The following MEGF10 variants were observed in gnomAD, a reference collection of about 807,000 sequenced individuals.
MEGF10 encodes the protein multiple epidermal growth factor-like domains protein 10.
In MEGF10, 86 loss-of-function variants were observed where a neutral mutation model predicts 147.5. The observed-to-expected ratio is 0.58, with a 90% CI of 0.49 to 0.70. The LOEUF is 0.70. Among genes scored for constraint, MEGF10 ranks in the 30% least tolerant of loss-of-function variants. The probability of loss-of-function intolerance (pLI) is 0.00; values close to 1 mark genes in which losing one functional copy is unlikely to be tolerated. For synonymous variants in MEGF10, 478 were observed against 525.5 expected (o/e 0.91, Z 1.24); for missense variants, 1,329 against 1,487.3 (o/e 0.89, Z 1.75).
chr5:127,242,330 C>G, the MEGF10 span, among the ~76,000 whole-genome samples: 3 of 152,266 alleles, frequency 2.0e-5, no homozygotes, highest in East Asian at 5.8e-4. Flanking sequence ...AGACTTCTTA[C>G]ATTGGGAATA....
intron 13 of MEGF10, among the ~76,000 whole-genome samples, chr5:127,429,846 T>C (rs1270444810): frequency 1.3e-5 from 2 of 152,162 alleles, no homozygotes; most frequent in Admixed American, 1.3e-4. Flanking sequence ...AGCACAAATT[T>C]AGTTGTGCCC....
intron 10 of MEGF10, among the ~76,000 whole-genome samples, 190 bp downstream of exon 10, chr5:127,418,002 G>A (rs1305236163): frequency 2.0e-5 from 3 of 152,180 alleles, no homozygotes; most frequent in Admixed American, 6.5e-5. Flanking sequence ...TAATGACTGC[G>A]AAAACTGGTA....
At chr5:127,249,547 C>T in the MEGF10 span, among the ~76,000 whole-genome samples, 1 of 151,868 alleles carries the variant, frequency 6.6e-6, no homozygotes, top group African/African-American at 2.4e-5. Flanking sequence ...TTAAAGTCAA[C>T]CATTTAATTA....
intron 2 of MEGF10, among the ~76,000 whole-genome samples, chr5:127,332,899 G>C (rs1437407557): frequency 6.6e-6 from 1 of 152,152 alleles, no homozygotes; most frequent in African/African-American, 2.4e-5. Context: ...TTTGGGATGG[G>C]AGGAAAAGTC....
chr5:127,365,179 T>A (rs1762610397), intron 4 of MEGF10, among the ~76,000 whole-genome samples: 1 of 152,222 alleles, frequency 6.6e-6, no homozygotes, highest in African/African-American at 2.4e-5. Context: ...GTTGGATAAT[T>A]GTTCCTTTAA....
the MEGF10 span, among the ~76,000 whole-genome samples, chr5:127,263,240 T>G: frequency 6.8e-6 from 1 of 147,918 alleles, no homozygotes; most frequent in Non-Finnish European, 1.5e-5. Flanking sequence ...ATTGGGAAGA[T>G]GGGTTCATGA....
At chr5:127,455,310 C>T (rs373149776) in intron 23 of MEGF10, 91 bp from the exon 24 acceptor site, 5 of 1,064,212 alleles carry the variant, frequency 4.7e-6, no homozygotes, top group East Asian at 2.4e-5. Context: ...ATTATGGAAA[C>T]CTAGCTATAA....
the MEGF10 span, among the ~76,000 whole-genome samples, chr5:127,264,426 A>C: frequency 1.3e-5 from 2 of 152,188 alleles, no homozygotes; most frequent in African/African-American, 4.8e-5. Flanking sequence ...GAAAGACAGA[A>C]ACCAATTCAA....
At chr5:127,230,990 A>ACCAT in the MEGF10 span, among the ~76,000 whole-genome samples, 1 of 152,050 alleles carries the variant, frequency 6.6e-6, no homozygotes, top group Non-Finnish European at 1.5e-5. Context: ...AAGGGCACCC[A>ACCAT]CCATCCACCC....
chr5:127,237,791 T>G, the MEGF10 span, among the ~76,000 whole-genome samples: 1 of 152,082 alleles, frequency 6.6e-6, no homozygotes, highest in African/African-American at 2.4e-5. Context: ...TCCCTCTCCC[T>G]CCACCTCTTT....
chr5:127,451,488 GGT>G (rs1766155343), intron 22 of MEGF10, among the ~76,000 whole-genome samples: 1 of 152,044 alleles, frequency 6.6e-6, no homozygotes, highest in African/African-American at 2.4e-5. Context: ...TATGCTTATT[GGT>G]AACATCATCT....
rs371350255 is a variant in MEGF10 at position 127,396,801 on chromosome 5, G to T, written c.659+23G>T. On this transcript the variant is annotated intron_variant, in intron 6 of 24. Transcript: ENST00000503335. Reference sequence around the variant, plus strand: ...CTTGTAAGTCACATGCTGCCCAGCAGCAGAGCAGAGCCCACCCACCCTCTC... The same window carrying T: ...CTTGTAAGTCACATGCTGCCCAGCATCAGAGCAGAGCCCACCCACCCTCTC... The T allele has an allele frequency of 4.6e-5, 74 of 1,598,638 alleles. No homozygotes were observed. In the East Asian group the frequency reaches 6.1e-4, roughly 13 times the overall value.
Position 127,331,384 on chromosome 5 carries a change from C to G in MEGF10, c.76C>G (p.Leu26Val), listed in dbSNP as rs2126784142. Residue 26 changes from leucine to valine, a missense_variant, in exon 2 of 25, where the codon CTG becomes GTG. Physicochemically the swap from Leu to Val is conservative, Grantham distance 32. This residue lies in a region of MEGF10 where 980 missense variants were observed against 1,085.9 expected (regional missense o/e 0.90). Transcript: ENST00000503335. ...LCHWIGTASP[L>V]NLEDPNVCSH... ...CCACTGGATTGGGACAGCATCACCTCTGAATCTTGAAGACCCTAATGTGTG... is the reference window on the plus strand; with the variant it reads ...CCACTGGATTGGGACAGCATCACCTGTGAATCTTGAAGACCCTAATGTGTG... 1 of 1,613,094 alleles carries G rather than the reference C, an allele frequency of 6.2e-7. No homozygotes were observed.
chr5:127,234,230 G>A, the MEGF10 span, among the ~76,000 whole-genome samples: 991 of 152,308 alleles, frequency 6.5e-3, 11 homozygotes, highest in African/African-American at 0.023. Flanking sequence ...TATGCACAAA[G>A]CATCCAGTCA....
intron 1 of MEGF10, among the ~76,000 whole-genome samples, chr5:127,321,659 A>G (rs1760790406): frequency 1.3e-5 from 2 of 152,166 alleles, no homozygotes; most frequent in Non-Finnish European, 2.9e-5. Context: ...TTTGAAGGTC[A>G]GCTTAATGAC....
intron 5 of MEGF10, among the ~76,000 whole-genome samples, chr5:127,386,438 T>C (rs1763437462): frequency 6.6e-6 from 1 of 152,202 alleles, no homozygotes; most frequent in Non-Finnish European, 1.5e-5. Flanking sequence ...ATGTTTTTGT[T>C]TATTTCTCCT....
chr5:127,368,502 T>A (rs1180176602), intron 4 of MEGF10, among the ~76,000 whole-genome samples: 3 of 152,180 alleles, frequency 2.0e-5, no homozygotes, highest in Non-Finnish European at 4.4e-5. Flanking sequence ...TCCTAGCGAA[T>A]TCTCACAATA....
the MEGF10 span, among the ~76,000 whole-genome samples, chr5:127,276,679 G>T: frequency 0.011 from 1,686 of 152,274 alleles, 22 homozygotes; most frequent in African/African-American, 0.031. Context: ...GAATTGCTAT[G>T]CATGAGGACA....
At chr5:127,279,881 A>C in the MEGF10 span, among the ~76,000 whole-genome samples, 2 of 152,196 alleles carry the variant, frequency 1.3e-5, no homozygotes, top group African/African-American at 4.8e-5. Context: ...TAATTGAATC[A>C]AATCTGCTTT....
Sources: allele counts gnomAD v4.1 joint callset (sites outside exome capture counted in the v4.1 genomes callset), GRCh38; gene constraint gnomAD v4.1.1; regional missense constraint gnomAD v4.1.1; transcripts MANE v1.5; gene names NCBI Gene and HGNC (gene_info 2026-07-23, HGNC 2026-07-21).